Variants in INVS observed in about 807,000 individuals in gnomAD.
The protein encoded by INVS is inversin, also known as inversion of embryo turning homolog.
In INVS, 86 loss-of-function variants were observed where a neutral mutation model predicts 108.8. The ratio of observed to expected loss-of-function variants is 0.79; its 90% CI spans 0.66 to 0.95. INVS has a LOEUF of 0.95. Among genes scored for constraint, INVS ranks in the 40% least tolerant of loss-of-function variants. INVS has a pLI of 0.00. For synonymous variants in INVS, 455 were observed against 473.5 expected (o/e 0.96, Z 0.51); for missense variants, 1,169 against 1,297.4 (o/e 0.90, Z 1.52).
At chr9:100,147,418 G>A (rs908860028) in intron 3 of INVS, among the ~76,000 whole-genome samples, 1 of 152,196 alleles carries the variant, frequency 6.6e-6, no homozygotes, top group Non-Finnish European at 1.5e-5. Flanking sequence ...ATGAAAATAT[G>A]TTCAAATATA....
chr9:100,202,759 C>T (rs1246735088), intron 3 of INVS, among the ~76,000 whole-genome samples: 2 of 152,176 alleles, frequency 1.3e-5, no homozygotes, highest in Non-Finnish European at 2.9e-5. Context: ...CAGGCTCATT[C>T]TTGAACTTGG....
At chr9:100,231,146 C>T (rs1335045083) in intron 5 of INVS, among the ~76,000 whole-genome samples, 1 of 152,162 alleles carries the variant, frequency 6.6e-6, no homozygotes, top group African/African-American at 2.4e-5. Flanking sequence ...TCTGTCCCAG[C>T]TTCTAATTTA....
At chr9:100,207,161 A>G (rs1238730661) in intron 3 of INVS, among the ~76,000 whole-genome samples, 1 of 145,430 alleles carries the variant, frequency 6.9e-6, no homozygotes, top group African/African-American at 2.8e-5. Context: ...ATTTGAAACT[A>G]TATAAATATC....
chr9:100,243,935 T>G (rs1359761975), intron 7 of INVS, among the ~76,000 whole-genome samples: 1 of 151,998 alleles, frequency 6.6e-6, no homozygotes, highest in East Asian at 1.9e-4. Context: ...CACTTGAACC[T>G]AGGAGGCGGA....
chr9:100,125,762 T>C (rs1381518714), intron 2 of INVS, among the ~76,000 whole-genome samples: 1 of 148,144 alleles, frequency 6.8e-6, no homozygotes, highest in Non-Finnish European at 1.5e-5. Context: ...CTTAGTTCAC[T>C]ACAACCTCCG....
chr9:100,129,194 G>C (rs1827975556), intron 3 of INVS, among the ~76,000 whole-genome samples: 1 of 151,314 alleles, frequency 6.6e-6, no homozygotes, highest in African/African-American at 2.4e-5. Flanking sequence ...TTAAAAGAAG[G>C]AATCTGGCAG....
intron 3 of INVS, among the ~76,000 whole-genome samples, chr9:100,143,897 T>A (rs1200486716): frequency 6.6e-6 from 1 of 152,092 alleles, no homozygotes; most frequent in Non-Finnish European, 1.5e-5. Context: ...GAGAGTTACC[T>A]GAAGCTCGGC....
rs757283860 is a variant in INVS, at chr9:100,118,069, C to CT, written c.107-8299dup. On this transcript the variant is annotated intron_variant, in intron 2 of 16. Transcript: ENST00000262457. The stretch of plus-strand genomic sequence containing the variant: ...CAAGACAGATTTTTTCTTTTTTTTT[C>CT]TTTTTTTTTTTTTTTAGATATGGGG... Among the ~76,000 whole-genome samples the CT allele has an allele frequency of 6.9e-3, 954 of 137,996 alleles. 7 individuals carry two copies. Among genetic ancestry groups the CT allele is most frequent in the African/African-American group, 0.019 (718 of 37,748 alleles). 90.5% of individuals were successfully genotyped at this position (137,996 alleles called of 152,430 possible).
intron 16 of INVS, among the ~76,000 whole-genome samples, chr9:100,300,288 C>G (rs1042803742): frequency 6.6e-6 from 1 of 152,182 alleles, no homozygotes; most frequent in African/African-American, 2.4e-5. Context: ...GAGAGAGAAT[C>G]TATTTGTTAT....
chr9:100,245,549 G>A (rs1832017799), intron 7 of INVS, among the ~76,000 whole-genome samples: 1 of 152,150 alleles, frequency 6.6e-6, no homozygotes, highest in Non-Finnish European at 1.5e-5. Context: ...CAAAGTGCTG[G>A]GATTACAGGC....
chr9:100,212,501 C>A (rs1298166510), intron 3 of INVS, among the ~76,000 whole-genome samples: 1 of 152,070 alleles, frequency 6.6e-6, no homozygotes, highest in African/African-American at 2.4e-5. Flanking sequence ...CCCCAACAAC[C>A]TTTTCTTTTT....
At chr9:100,263,284 C>T (rs1588131664) in intron 10 of INVS, among the ~76,000 whole-genome samples, 1 of 152,196 alleles carries the variant, frequency 6.6e-6, no homozygotes, top group Non-Finnish European at 1.5e-5. Flanking sequence ...CTTAGAACAA[C>T]ACAGATTTAT....
chr9:100,252,445 T>TAATAAGAGTACTC lies in INVS; in HGVS notation c.1234+8_1234+20dup. 6.2e-7 allele frequency: 1 copy of TAATAAGAGTACTC among 1,612,950 alleles called. No individual in the cohort carries two copies. Among genetic ancestry groups the TAATAAGAGTACTC allele is most frequent in the Non-Finnish European group, 8.5e-7 (1 of 1,178,988 alleles). ...ATTCAGACACTCATTAAAGGTGGGC[T>TAATAAGAGTACTC]AATAAGAGTACTCCTAATAAGTCTC... On this transcript the variant is annotated splice_region_variant and intron_variant, in intron 9 of 16. Transcript: ENST00000262457.
intron 10 of INVS, among the ~76,000 whole-genome samples, chr9:100,260,500 T>C (rs1465808744): frequency 1.3e-5 from 2 of 152,170 alleles, no homozygotes; most frequent in Non-Finnish European, 1.5e-5. Context: ...TATTACATGA[T>C]TTTCAAACCA....
intron 3 of INVS, among the ~76,000 whole-genome samples, chr9:100,172,288 C>G (rs1829565864): frequency 6.6e-6 from 1 of 152,048 alleles, no homozygotes; most frequent in Non-Finnish European, 1.5e-5. Flanking sequence ...AATACAGAAT[C>G]CTATCAAATT....
At chr9:100,262,710 C>T (rs1438708936) in intron 10 of INVS, among the ~76,000 whole-genome samples, 1 of 138,146 alleles carries the variant, frequency 7.2e-6, no homozygotes, top group Non-Finnish European at 1.5e-5. Context: ...TGTGGATTTT[C>T]TATATTTTGA....
chr9:100,287,634 C>T (rs1040006719), intron 13 of INVS, among the ~76,000 whole-genome samples: 13 of 152,128 alleles, frequency 8.5e-5, no homozygotes, highest in South Asian at 2.1e-4. Flanking sequence ...GGCACTTCCC[C>T]GCTCGCTCAT....
intron 11 of INVS, among the ~76,000 whole-genome samples, chr9:100,269,696 T>C (rs186107779): frequency 3.0e-4 from 46 of 152,336 alleles, no homozygotes; most frequent in African/African-American, 1.1e-3. Context: ...ATCATCCTTT[T>C]TTCTGCCTCA....
chr9:100,260,697 T>C (rs150535868), intron 10 of INVS, among the ~76,000 whole-genome samples: 53 of 152,292 alleles, frequency 3.5e-4, no homozygotes, highest in Admixed American at 5.9e-4. Flanking sequence ...TTGAAGCTCA[T>C]GTAGTTTAAG....
Sources: allele counts gnomAD v4.1 joint callset (sites outside exome capture counted in the v4.1 genomes callset), GRCh38; gene constraint gnomAD v4.1.1; transcripts MANE v1.5; gene names NCBI Gene and HGNC (gene_info 2026-07-23, HGNC 2026-07-21).